VTI1A: variants seen among roughly 807,000 people sequenced by gnomAD.
VTI1A encodes the protein vesicle transport through interaction with t-SNAREs 1A.
A neutral mutation model predicts 34.9 loss-of-function variants in VTI1A; 22 were observed. That is an observed-to-expected ratio of 0.63 (90% confidence interval 0.45 to 0.90). The LOEUF is 0.90. Among genes scored for constraint, VTI1A ranks in the 40% least tolerant of loss-of-function variants. VTI1A has a pLI of 0.00. For missense variants in VTI1A, 268 were observed against 275.6 expected, an observed-to-expected ratio of 0.97 and a Z score of 0.20; for synonymous variants, 87 against 97.3, an observed-to-expected ratio of 0.89 and a Z score of 0.62.
chr10:112,500,355 A>G (rs1176258194), intron 3 of VTI1A, among the ~76,000 whole-genome samples: 1 of 152,064 alleles, frequency 6.6e-6, no homozygotes, highest in East Asian at 1.9e-4. Flanking sequence ...GAATTGCTTG[A>G]ACCCAGGAGG....
At chr10:112,759,846 G>A (rs1851399496) in intron 7 of VTI1A, among the ~76,000 whole-genome samples, 2 of 152,032 alleles carry the variant, frequency 1.3e-5, no homozygotes, top group Admixed American at 1.3e-4. Flanking sequence ...GAAGACATAG[G>A]GTATATTTCA....
chr10:112,527,261 G>A (rs2134223323), intron 4 of VTI1A, 97 bp downstream of exon 4: 1 of 1,015,418 alleles, frequency 9.8e-7, no homozygotes, highest in Non-Finnish European at 1.5e-6. Context: ...GGTATTAGCA[G>A]CAACTCATGT....
intron 3 of VTI1A, among the ~76,000 whole-genome samples, chr10:112,488,397 C>CTCTGTATT (rs1848715324): frequency 1.3e-5 from 2 of 152,070 alleles, no homozygotes; most frequent in Non-Finnish European, 2.9e-5. Flanking sequence ...TGAAGAGTAC[C>CTCTGTATT]AAGTCGAACT....
intron 1 of VTI1A, among the ~76,000 whole-genome samples, chr10:112,457,299 G>A (rs904533466): frequency 1.3e-5 from 2 of 152,214 alleles, no homozygotes; most frequent in Admixed American, 1.3e-4. Context: ...AATTCTTGCT[G>A]TGTCCTGCAT....
At chr10:112,726,114 C>T (rs755713271) in intron 7 of VTI1A, among the ~76,000 whole-genome samples, 3 of 152,144 alleles carry the variant, frequency 2.0e-5, no homozygotes, top group Non-Finnish European at 4.4e-5. Flanking sequence ...GGTATCTCAT[C>T]GTCCTGCTGT....
intron 5 of VTI1A, among the ~76,000 whole-genome samples, chr10:112,558,436 G>T (rs188649026): frequency 6.6e-6 from 1 of 152,284 alleles, no homozygotes. Context: ...TATTGATTCA[G>T]TGTGCATAAA....
chr10:112,571,845 G>T (rs1419095040), intron 5 of VTI1A, among the ~76,000 whole-genome samples: 1 of 152,172 alleles, frequency 6.6e-6, no homozygotes, highest in Non-Finnish European at 1.5e-5. Flanking sequence ...GCAGGAACGT[G>T]GATGAAGCTG....
chr10:112,662,529 A>T (rs1847498715), intron 5 of VTI1A, among the ~76,000 whole-genome samples: 1 of 152,112 alleles, frequency 6.6e-6, no homozygotes, highest in African/African-American at 2.4e-5. Context: ...TTGTTTCTTG[A>T]TAAACTCGTA....
At chr10:112,514,175 T>C (rs1193566592) in intron 3 of VTI1A, among the ~76,000 whole-genome samples, 6 of 151,968 alleles carry the variant, frequency 3.9e-5, no homozygotes, top group Non-Finnish European at 5.9e-5. Context: ...TTATTACTTA[T>C]TCAATCTTCT....
intron 6 of VTI1A, among the ~76,000 whole-genome samples, chr10:112,668,701 G>A (rs1847735661): frequency 6.6e-6 from 1 of 152,076 alleles, no homozygotes; most frequent in South Asian, 2.1e-4. Flanking sequence ...CCTGTGCTTT[G>A]CTTTTATGTC....
At chr10:112,584,841 C>G (rs1844085082) in intron 5 of VTI1A, among the ~76,000 whole-genome samples, 1 of 152,184 alleles carries the variant, frequency 6.6e-6, no homozygotes, top group African/African-American at 2.4e-5. Context: ...TATTCACATT[C>G]TCTCTATGGA....
At chr10:112,682,839 C>A (rs1848265032) in intron 7 of VTI1A, among the ~76,000 whole-genome samples, 2 of 152,182 alleles carry the variant, frequency 1.3e-5, no homozygotes, top group East Asian at 3.8e-4. Flanking sequence ...CGCTCCTGAT[C>A]CCGGGGACTC....
the VTI1A span, among the ~76,000 whole-genome samples, chr10:112,850,876 C>T: frequency 1.3e-5 from 2 of 152,168 alleles, no homozygotes; most frequent in Non-Finnish European, 2.9e-5. Flanking sequence ...TCATGCCCTA[C>T]GAAACCTGGA....
the VTI1A span, among the ~76,000 whole-genome samples, chr10:112,843,673 CAG>C: frequency 6.6e-6 from 1 of 152,284 alleles, no homozygotes; most frequent in African/African-American, 2.4e-5. Context: ...TAATGAAAAA[CAG>C]GGCAGGAACA....
intron 7 of VTI1A, among the ~76,000 whole-genome samples, chr10:112,782,230 G>A (rs1473905957): frequency 3.9e-5 from 6 of 152,246 alleles, no homozygotes; most frequent in Non-Finnish European, 8.8e-5. Flanking sequence ...GCTGGACTCT[G>A]TGTGTCCAGG....
At chr10:112,791,793 A>G (rs1852488657) in intron 7 of VTI1A, among the ~76,000 whole-genome samples, 2 of 151,578 alleles carry the variant, frequency 1.3e-5, no homozygotes, top group African/African-American at 2.4e-5. Context: ...GTTCTCTAAT[A>G]AAAAAGCAAA....
intron 3 of VTI1A, among the ~76,000 whole-genome samples, chr10:112,486,297 G>T (rs143042067): frequency 1.3e-3 from 200 of 152,214 alleles, no homozygotes; most frequent in African/African-American, 4.5e-3. Context: ...GAGAATTTTT[G>T]CAGGTTAACT....
chr10:112,452,958 T>TG (rs58035831), intron 1 of VTI1A, among the ~76,000 whole-genome samples: 125,024 of 151,970 alleles, frequency 0.82, 52,447 homozygotes, highest in Non-Finnish European at 0.89. Context: ...TTCTGTTTGT[T>TG]CTTTTTACCT....
At chr10:112,619,588 A>T (rs7078041) in intron 5 of VTI1A, among the ~76,000 whole-genome samples, 1 of 152,100 alleles carries the variant, frequency 6.6e-6, no homozygotes, top group African/African-American at 2.4e-5. Context: ...GACTATGTTT[A>T]TTTCTTATTT....
Sources: allele counts gnomAD v4.1 joint callset (sites outside exome capture counted in the v4.1 genomes callset), GRCh38; gene constraint gnomAD v4.1.1; transcripts MANE v1.5; gene names NCBI Gene and HGNC (gene_info 2026-07-23, HGNC 2026-07-21).